The following PIK3C2A variants were observed in gnomAD, a reference collection of about 807,000 sequenced individuals.
PIK3C2A encodes the protein phosphatidylinositol-4-phosphate 3-kinase catalytic subunit type 2 alpha.
PIK3C2A carries 97 observed loss-of-function variants against 204.5 expected under a neutral mutation model. The ratio of observed to expected loss-of-function variants is 0.47; its 90% CI spans 0.40 to 0.56. PIK3C2A has a LOEUF of 0.56. Among genes scored for constraint, PIK3C2A ranks in the 20% least tolerant of loss-of-function variants. The pLI is 0.00. For synonymous variants in PIK3C2A, 653 were observed against 664.4 expected (o/e 0.98, Z 0.26); for missense variants, 1,735 against 1,969.2 (o/e 0.88, Z 2.25).
At chr11:17,166,718 T>C (rs1323214748) in intron 2 of PIK3C2A, among the ~76,000 whole-genome samples, 1 of 152,190 alleles carries the variant, frequency 6.6e-6, no homozygotes, top group African/African-American at 2.4e-5. Flanking sequence ...AGAGCCCCAA[T>C]GTCTGTCTCC....
At position 17,169,308 on chromosome 11, in the gene PIK3C2A, C is replaced by A; in HGVS notation, c.434G>T (p.Gly145Val). The stretch of plus-strand genomic sequence containing the variant: ...AGCATAAGTGGAAGGCCCAGGTAAT[C>A]CAGGTGGCCACTGTCCTCTCTGAAT... ...PTIQRGQWPP[G>V]LPGPSTYALP... The change falls in exon 2 of 33, where the codon GGA becomes GTA. Residue 145 changes from glycine to valine, a missense_variant. Around this residue, in one of 6 missense-constraint regions of PIK3C2A, gnomAD observed 536 missense variants for 546.7 expected, o/e 0.98. Coordinates refer to ENST00000691414, the MANE Select transcript of PIK3C2A (RefSeq NM_002645.4). The A allele has an allele frequency of 1.2e-6, 2 of 1,614,078 alleles. No homozygotes were observed. Among genetic ancestry groups the A allele is most frequent in the Non-Finnish European group, 1.7e-6 (2 of 1,179,996 alleles).
At position 17,169,815 on chromosome 11, in the gene PIK3C2A, A is replaced by G. The variant is rs1259359888; in HGVS notation, c.-65-9T>C. 1 of 902,618 alleles carries G rather than the reference A, an allele frequency of 1.1e-6. No individual in the cohort carries two copies. The highest frequency in any genetic ancestry group is 1.7e-6 in the Non-Finnish European group (1 of 596,844). The allele number at this position is 902,618 out of a possible 1,614,324, so 55.9% of individuals were successfully genotyped here. A position where few individuals can be genotyped will look rare whatever the true frequency, so the allele number is the denominator to read the frequency against. On this transcript the variant is annotated splice_polypyrimidine_tract_variant and intron_variant, in intron 1 of 32. Transcript: ENST00000691414. The stretch of plus-strand genomic sequence containing the variant: ...TTCCAAAATAGCAAGGCCTATACAT[A>G]AAAATAAACATAACACTCAATTAGA...
rs377409484 is a variant in PIK3C2A at position 17,116,644 on chromosome 11, T to C, written c.3216+847A>G. ...TTGCTCTGTCGCCCAGGCTGGAGTA[T>C]AGTGGCTCGATCTCGGTTCACTGCA... On this transcript the variant is annotated intron_variant, in intron 19 of 32. Transcript: ENST00000691414. Among the ~76,000 whole-genome samples the C allele has an allele frequency of 1.9e-4, 29 of 151,920 alleles. 1 individual carries two copies. In the East Asian group the frequency reaches 4.5e-3, roughly 23 times the overall value.
intron 10 of PIK3C2A, 36 bp downstream of exon 10, chr11:17,135,072 CGAT>C (rs1849827256): frequency 6.2e-7 from 1 of 1,611,758 alleles, no homozygotes; most frequent in East Asian, 2.2e-5. Flanking sequence ...TCTGAAAAGG[CGAT>C]GATTATTGCT....
intron 1 of PIK3C2A, among the ~76,000 whole-genome samples, chr11:17,170,962 G>A (rs893470112): frequency 6.6e-6 from 1 of 152,062 alleles, no homozygotes; most frequent in African/African-American, 2.4e-5. Context: ...AATTAGCCGG[G>A]CATGGTGGCG....
intron 27 of PIK3C2A, among the ~76,000 whole-genome samples, 156 bp downstream of exon 27, chr11:17,096,901 A>G (rs1017911041): frequency 5.9e-5 from 9 of 152,244 alleles, no homozygotes; most frequent in Admixed American, 5.9e-4. Context: ...AAAGTTAGGG[A>G]TGCTTCAAGT....
intron 3 of PIK3C2A, 103 bp downstream of exon 3, chr11:17,155,422 CA>C: frequency 1.7e-6 from 1 of 601,096 alleles, no homozygotes; most frequent in Non-Finnish European, 2.9e-6. Context: ...ATGTTAGCCA[CA>C]AGAAGAAAAT....
intron 1 of PIK3C2A, among the ~76,000 whole-genome samples, chr11:17,205,346 C>T (rs1358801075): frequency 2.6e-5 from 4 of 151,686 alleles, no homozygotes; most frequent in African/African-American, 7.3e-5. Context: ...TAGCGGCACA[C>T]GCCTGTAGTC....
intron 26 of PIK3C2A, among the ~76,000 whole-genome samples, chr11:17,097,744 A>C (rs1161904489): frequency 3.3e-5 from 5 of 151,986 alleles, no homozygotes; most frequent in Non-Finnish European, 7.4e-5. Context: ...CAAAACCCTG[A>C]CTCTACTAAA....
intron 1 of PIK3C2A, among the ~76,000 whole-genome samples, chr11:17,170,894 G>A (rs2137493976): frequency 6.6e-6 from 1 of 152,220 alleles, no homozygotes; most frequent in Middle Eastern, 3.4e-3. Flanking sequence ...ACAAGGTCAG[G>A]AGATCGAGAC....
intron 15 of PIK3C2A, among the ~76,000 whole-genome samples, chr11:17,120,899 T>C (rs538724750): frequency 6.6e-6 from 1 of 152,112 alleles, no homozygotes. Context: ...AACCTCCGCC[T>C]CCCAGGTTCA....
At chr11:17,122,881 T>C in intron 13 of PIK3C2A, 68 bp from the exon 14 acceptor site, 1 of 692,054 alleles carries the variant, frequency 1.4e-6, no homozygotes, top group African/African-American at 1.8e-5. Context: ...ACAACACATG[T>C]AATGAATTTG....
chr11:17,142,732 C>G (rs1259708427), intron 8 of PIK3C2A, among the ~76,000 whole-genome samples: 1 of 152,042 alleles, frequency 6.6e-6, no homozygotes, highest in Non-Finnish European at 1.5e-5. Context: ...ATCCATCCAT[C>G]GATCCATCCA....
rs1851055002 is a variant in PIK3C2A at position 17,168,701 on chromosome 11, T to C, written c.1041A>G (p.Ala347=). Residue 347 remains alanine, a synonymous_variant, in exon 2 of 33, where the codon GCA becomes GCG. Coordinates refer to ENST00000691414, the MANE Select transcript of PIK3C2A (RefSeq NM_002645.4). ...CCTGAGATATATGGCCCTGGGCTTT[T>C]GCAAGCTGAGTTGTTCGAATATTTA... ...QSLNIRTTQL[A]KAQGHISQKD... The C allele has an allele frequency of 6.3e-7, 1 of 1,590,806 alleles. No homozygotes were observed. The highest frequency in any genetic ancestry group is 8.5e-7 in the Non-Finnish European group (1 of 1,169,644).
intron 1 of PIK3C2A, among the ~76,000 whole-genome samples, chr11:17,179,269 C>T (rs893186807): frequency 5.9e-5 from 9 of 152,078 alleles, no homozygotes; most frequent in Admixed American, 3.3e-4. Flanking sequence ...TCAAGCAATC[C>T]TTTTGCCTTA....
chr11:17,180,139 G>T (rs532987665), intron 1 of PIK3C2A, among the ~76,000 whole-genome samples: 3,861 of 152,202 alleles, frequency 0.025, 164 homozygotes, highest in African/African-American at 0.088. Flanking sequence ...AAGCACTGCT[G>T]CAGGCAATGA....
intron 1 of PIK3C2A, among the ~76,000 whole-genome samples, chr11:17,180,053 CTTTT>C (rs1445201894): frequency 2.6e-5 from 4 of 152,138 alleles, no homozygotes; most frequent in African/African-American, 7.2e-5. Flanking sequence ...TTTAAAATAA[CTTTT>C]GTTTGGCAAA....
intron 1 of PIK3C2A, among the ~76,000 whole-genome samples, chr11:17,202,903 C>T (rs1033398335): frequency 6.6e-6 from 1 of 152,142 alleles, no homozygotes; most frequent in African/African-American, 2.4e-5. Context: ...AATAATGTAA[C>T]TGTTATACTG....
In PIK3C2A at chr11:17,105,180, C is replaced by A; in HGVS notation, c.3670G>T (p.Glu1224Ter). ...GACATGCTAATTACCTTTTCATATT[C>A]TTCTTCAGAGGGATTGTATTTCCTT... The part of the protein sequence containing the change: ...WLRKYNPSEE[E>*]YEKASENFIY... Residue 1224 changes from glutamate to a stop codon, truncating the protein, a stop_gained, in exon 23 of 33, where the codon GAA becomes TAA. Transcript: ENST00000691414. LOFTEE classifies it high-confidence loss of function. 1 of 1,610,952 alleles carries A rather than the reference C, an allele frequency of 6.2e-7. No homozygotes were observed. The highest frequency in any genetic ancestry group is 8.5e-7 in the Non-Finnish European group (1 of 1,177,358).
Sources: allele counts gnomAD v4.1 joint callset (sites outside exome capture counted in the v4.1 genomes callset), GRCh38; gene constraint gnomAD v4.1.1; regional missense constraint gnomAD v4.1.1; transcripts MANE v1.5; gene names NCBI Gene and HGNC (gene_info 2026-07-23, HGNC 2026-07-21).